The following MAOB variants were observed in gnomAD, a reference collection of about 807,000 sequenced individuals.
MAOB encodes amine oxidase [flavin-containing] B.
Under a neutral mutation model 41.9 loss-of-function variants are expected in MAOB, and 15 were observed. The observed-to-expected ratio is 0.36, with a 90% confidence interval of 0.24 to 0.55. The LOEUF is 0.55. Among genes scored for constraint, MAOB ranks in the 20% least tolerant of loss-of-function variants. The pLI is 0.86. For missense variants in MAOB, 345 were observed against 398.7 expected (o/e 0.87, Z 1.15); for synonymous variants, 167 against 144.2 (o/e 1.16, Z -1.13).
At chrX:43,803,753 G>A (rs899044748) in intron 3 of MAOB, among the ~76,000 whole-genome samples, 1 of 111,628 alleles carries the variant, frequency 9.0e-6, no homozygotes, top group Non-Finnish European at 1.9e-5. Flanking sequence ...TCAGAGTCAG[G>A]AGCCTCTGTG....
chrX:43,773,163 C>T (rs888932037), intron 12 of MAOB, among the ~76,000 whole-genome samples: 4 of 111,904 alleles, frequency 3.6e-5, no homozygotes, highest in Admixed American at 9.5e-5. Flanking sequence ...TCCCCAATAG[C>T]CTTTCTCTGC....
intron 11 of MAOB, among the ~76,000 whole-genome samples, chrX:43,777,666 G>A (rs1351243540): frequency 1.8e-5 from 2 of 111,921 alleles, no homozygotes; most frequent in South Asian, 3.7e-4. Flanking sequence ...ACTAAGTCAT[G>A]TAGCTGCTCA....
intron 1 of MAOB, among the ~76,000 whole-genome samples, chrX:43,857,437 C>T: frequency 9.1e-6 from 1 of 109,898 alleles, no homozygotes; most frequent in East Asian, 2.9e-4. Context: ...ACCTCAACCT[C>T]CCAAAGTGCT....
intron 1 of MAOB, among the ~76,000 whole-genome samples, chrX:43,861,209 A>G (rs2035330021): frequency 8.9e-6 from 1 of 112,427 alleles, no homozygotes; most frequent in Non-Finnish European, 1.9e-5. Flanking sequence ...GCCATCCTCA[A>G]CAAATATTTG....
At chrX:43,871,146 A>G (rs144068758) in intron 1 of MAOB, among the ~76,000 whole-genome samples, 6 of 111,703 alleles carry the variant, frequency 5.4e-5, no homozygotes, top group African/African-American at 1.9e-4. Context: ...TTTCAGAGTT[A>G]TCCTGGATTG....
At chrX:43,803,238 C>T in intron 4 of MAOB, 62 bp downstream of exon 4, 1 of 1,017,059 alleles carries the variant, frequency 9.8e-7, no homozygotes, top group Non-Finnish European at 1.3e-6. Context: ...ATTTTACTTT[C>T]TTTCTTTGAA....
chrX:43,839,318 T>C (rs2035106320), intron 2 of MAOB, among the ~76,000 whole-genome samples: 2 of 111,932 alleles, frequency 1.8e-5, no homozygotes, highest in African/African-American at 3.2e-5. Context: ...GACGAATCTC[T>C]TTACTCAGTA....
At chrX:43,874,363 T>A (rs1237042088) in intron 1 of MAOB, among the ~76,000 whole-genome samples, 1 of 111,417 alleles carries the variant, frequency 9.0e-6, no homozygotes, top group African/African-American at 3.3e-5. Flanking sequence ...TCTATCCCCA[T>A]TTCTCTTGAA....
chrX:43,779,225 T>C (rs1210664635), intron 10 of MAOB, among the ~76,000 whole-genome samples: 1 of 111,677 alleles, frequency 9.0e-6, no homozygotes, highest in Non-Finnish European at 1.9e-5. Context: ...ATAAGGAAAT[T>C]TAGAATTCAT....
chrX:43,839,090 C>T (rs1047850686), intron 2 of MAOB, 85 bp from the exon 3 acceptor site: 1 of 733,681 alleles, frequency 1.4e-6, no homozygotes, highest in African/African-American at 2.2e-5. Flanking sequence ...AGCAAATCGA[C>T]ATTTCACAAG....
chrX:43,859,114 A>G (rs1026082991), intron 1 of MAOB, among the ~76,000 whole-genome samples: 4 of 111,745 alleles, frequency 3.6e-5, no homozygotes, highest in Non-Finnish European at 7.5e-5. Context: ...GCAAAGATTT[A>G]GAGAAAAACA....
At chrX:43,849,546 G>T (rs1028378058) in intron 1 of MAOB, among the ~76,000 whole-genome samples, 1 of 112,837 alleles carries the variant, frequency 8.9e-6, no homozygotes, top group Non-Finnish European at 1.9e-5. Context: ...AGCTCACAAG[G>T]TGCATGCAAA....
At chrX:43,808,189 G>T (rs1037637774) in intron 3 of MAOB, among the ~76,000 whole-genome samples, 2 of 111,648 alleles carry the variant, frequency 1.8e-5, no homozygotes, top group Non-Finnish European at 3.8e-5. Flanking sequence ...ACGAGTAAAG[G>T]GAATCACAAA....
intron 3 of MAOB, among the ~76,000 whole-genome samples, chrX:43,834,916 A>AT (rs1209067031): frequency 8.9e-6 from 1 of 112,626 alleles, no homozygotes; most frequent in Non-Finnish European, 1.9e-5. Context: ...TGGACTCTTA[A>AT]TTTTAAGTCA....
intron 7 of MAOB, 41 bp downstream of exon 7, chrX:43,795,698 G>T (rs757931717): frequency 2.8e-6 from 3 of 1,090,305 alleles, no homozygotes; most frequent in Non-Finnish European, 3.8e-6. Flanking sequence ...CCAGGAAACT[G>T]GGATGAAGAT....
intron 3 of MAOB, among the ~76,000 whole-genome samples, chrX:43,828,313 C>T (rs1468390924): frequency 6.3e-5 from 7 of 111,934 alleles, no homozygotes; most frequent in African/African-American, 2.3e-4. Context: ...TCTATTCTTA[C>T]GTTTATCTTG....
In MAOB at chrX:43,878,925, A is replaced by C. The variant is rs143987625; in HGVS notation, c.46+3329T>G. On this transcript the variant is annotated intron_variant, in intron 1 of 14. Transcript: ENST00000378069. ...GTGCCTGCCACCCTCAAATGACCAAATCTCCTCTCCTAAGTCTGGCCAAAA... is the reference window on the plus strand; with the variant it reads ...GTGCCTGCCACCCTCAAATGACCAACTCTCCTCTCCTAAGTCTGGCCAAAA... 5.6e-3 allele frequency among the ~76,000 whole-genome samples: 624 copies of C among 111,719 alleles called. 3 individuals are homozygous for C. Among genetic ancestry groups the C allele is most frequent in the African/African-American group, 0.019 (590 of 30,741 alleles).
chrX:43,882,144 C>A, intron 1 of MAOB, 110 bp downstream of exon 1: 1 of 1,131,557 alleles, frequency 8.8e-7, no homozygotes. Context: ...CGTGGACAGT[C>A]TGGGGACTCC....
rs956812646 is a variant in MAOB at position 43,767,127 on chromosome X, G to A, written c.*339C>T. ...AGGTAAGAGGAAGAACAAGCACAAA[G>A]CCATAATGGTAGGAAAAAATTCATT... On this transcript the variant is annotated 3_prime_UTR_variant, in exon 15 of 15. Coordinates refer to ENST00000378069, the MANE Select transcript of MAOB (RefSeq NM_000898.5). 4.8e-6 allele frequency: 1 copy of A among 208,484 alleles called. No homozygotes were observed. The highest frequency in any genetic ancestry group is 8.7e-6 in the Non-Finnish European group (1 of 115,276). 17.2% of individuals were successfully genotyped at this position (208,484 alleles called of 1,213,427 possible).
Sources: allele counts gnomAD v4.1 joint callset (sites outside exome capture counted in the v4.1 genomes callset), GRCh38; gene constraint gnomAD v4.1.1; transcripts MANE v1.5; gene names NCBI Gene and HGNC (gene_info 2026-07-23, HGNC 2026-07-21).